Variants in CTNNA3 observed in about 807,000 individuals in gnomAD.
CTNNA3 encodes the protein catenin alpha 3.
A neutral mutation model predicts 95.7 loss-of-function variants in CTNNA3; 76 were observed. That is an observed-to-expected ratio of 0.79 (90% CI 0.66 to 0.96). The LOEUF is 0.96. Ranked by LOEUF, CTNNA3 falls within the 40% of genes least tolerant of loss-of-function variation. CTNNA3 has a pLI of 0.00. For missense variants in CTNNA3, 1,191 were observed against 1,089.8 expected, an observed-to-expected ratio of 1.09 and a Z score of -1.31; for synonymous variants, 431 against 374.4, an observed-to-expected ratio of 1.15 and a Z score of -1.74.
chr10:66,716,923 C>A (rs1417514064), intron 9 of CTNNA3, among the ~76,000 whole-genome samples: 1 of 152,050 alleles, frequency 6.6e-6, no homozygotes, highest in Non-Finnish European at 1.5e-5. Context: ...AGGTATTTTA[C>A]AGACGTGGTG....
At chr10:66,673,626 ATAAT>A (rs1398634212) in intron 9 of CTNNA3, among the ~76,000 whole-genome samples, 1 of 152,034 alleles carries the variant, frequency 6.6e-6, no homozygotes, top group Non-Finnish European at 1.5e-5. Flanking sequence ...CAATTTATGA[ATAAT>A]TAAATTCCTA....
intron 1 of CTNNA3, among the ~76,000 whole-genome samples, chr10:67,742,153 G>A (rs181846192): frequency 9.3e-5 from 14 of 151,026 alleles, no homozygotes; most frequent in East Asian, 5.8e-4. Context: ...TGCACCAAGC[G>A]GACCTAATAG....
intron 2 of CTNNA3, among the ~76,000 whole-genome samples, chr10:67,644,792 T>C (rs1272503829): frequency 6.8e-6 from 1 of 148,094 alleles, no homozygotes. Flanking sequence ...CACTTGAGTA[T>C]TGCTAAGACC....
At chr10:67,677,010 A>G (rs993497874) in intron 1 of CTNNA3, among the ~76,000 whole-genome samples, 2 of 148,900 alleles carry the variant, frequency 1.3e-5, no homozygotes, top group East Asian at 3.9e-4. Flanking sequence ...TCTTCCTAAC[A>G]ACAGATACAT....
chr10:67,186,480 A>C (rs1000207751), intron 6 of CTNNA3, among the ~76,000 whole-genome samples: 1 of 152,202 alleles, frequency 6.6e-6, no homozygotes, highest in Non-Finnish European at 1.5e-5. Context: ...TGACACCTAT[A>C]GGCAGGTCTC....
intron 12 of CTNNA3, among the ~76,000 whole-genome samples, chr10:66,303,787 G>A (rs1042690580): frequency 6.6e-6 from 1 of 151,996 alleles, no homozygotes; most frequent in Non-Finnish European, 1.5e-5. Flanking sequence ...TAGAGACAGG[G>A]TTTCACCGTG....
chr10:66,731,490 C>T (rs1437959549), intron 9 of CTNNA3, among the ~76,000 whole-genome samples: 1 of 152,046 alleles, frequency 6.6e-6, no homozygotes, highest in Non-Finnish European at 1.5e-5. Context: ...TTAAGCATAA[C>T]TCTGGCACGT....
chr10:67,396,960 C>G (rs1338650983), intron 5 of CTNNA3, among the ~76,000 whole-genome samples: 1 of 152,156 alleles, frequency 6.6e-6, no homozygotes, highest in Non-Finnish European at 1.5e-5. Flanking sequence ...GCCTCCCCAG[C>G]CATTCTGAAC....
intron 5 of CTNNA3, among the ~76,000 whole-genome samples, chr10:67,269,125 AAAAT>A (rs986615005): frequency 1.3e-5 from 2 of 152,178 alleles, no homozygotes; most frequent in Non-Finnish European, 2.9e-5. Context: ...GGAGTAGTAA[AAAAT>A]AAATAAAGTA....
At chr10:65,936,271 G>C (rs370307008) in intron 17 of CTNNA3, among the ~76,000 whole-genome samples, 1 of 152,014 alleles carries the variant, frequency 6.6e-6, no homozygotes, top group African/African-American at 2.4e-5. Context: ...ATGTAGTTAG[G>C]TGCAAAAGAG....
chr10:67,541,113 A>T (rs1351690189), intron 3 of CTNNA3, among the ~76,000 whole-genome samples: 1 of 152,006 alleles, frequency 6.6e-6, no homozygotes, highest in Non-Finnish European at 1.5e-5. Context: ...TACTATAAAG[A>T]ACGTCCAGGA....
chr10:67,509,116 T>C (rs1258943236), intron 5 of CTNNA3, among the ~76,000 whole-genome samples: 1 of 152,064 alleles, frequency 6.6e-6, no homozygotes, highest in East Asian at 1.9e-4. Flanking sequence ...CCTCAGGTGA[T>C]CTGCCTGCCT....
At chr10:67,518,757 C>T (rs1244085931) in intron 5 of CTNNA3, among the ~76,000 whole-genome samples, 1 of 152,030 alleles carries the variant, frequency 6.6e-6, no homozygotes. Flanking sequence ...GATTTATAAG[C>T]ACTCAAATTA....
intron 12 of CTNNA3, among the ~76,000 whole-genome samples, chr10:66,318,259 G>GATAT (rs1161232677): frequency 2.0e-4 from 7 of 35,470 alleles, no homozygotes; most frequent in Admixed American, 1.2e-3. Context: ...GAGTTGCTGG[G>GATAT]AGATATATAT....
intron 14 of CTNNA3, among the ~76,000 whole-genome samples, chr10:66,072,164 A>G (rs147190689): frequency 6.6e-6 from 1 of 152,196 alleles, no homozygotes; most frequent in African/African-American, 2.4e-5. Flanking sequence ...AATTTTACAT[A>G]ATTTTCACAT....
intron 15 of CTNNA3, among the ~76,000 whole-genome samples, chr10:65,994,812 G>A (rs2078619979): frequency 6.6e-6 from 1 of 151,920 alleles, no homozygotes; most frequent in African/African-American, 2.4e-5. Flanking sequence ...ACTTTATGGA[G>A]CCCCATTTGT....
chr10:66,726,803 G>T (rs1026214924), intron 9 of CTNNA3, among the ~76,000 whole-genome samples: 2 of 151,982 alleles, frequency 1.3e-5, no homozygotes, highest in Non-Finnish European at 2.9e-5. Context: ...TGGGAAGACA[G>T]ATTTGTTTCA....
intron 13 of CTNNA3, among the ~76,000 whole-genome samples, chr10:66,228,182 T>G (rs1177216315): frequency 4.6e-5 from 7 of 152,108 alleles, no homozygotes; most frequent in Admixed American, 6.6e-5. Flanking sequence ...ATTTTTGCTC[T>G]GAATTTTATT....
At chr10:66,651,499 G>A (rs10822865) in intron 9 of CTNNA3, among the ~76,000 whole-genome samples, 99,971 of 151,626 alleles carry the variant, frequency 0.66, 33,860 homozygotes, top group East Asian at 0.95. Context: ...GGGACTGGGC[G>A]CCGCAGAGAA....
Sources: gnomAD v4.1 joint callset for allele counts (sites outside exome capture counted in the v4.1 genomes callset) on GRCh38, gnomAD v4.1.1 for gene constraint, MANE v1.5 for transcripts, NCBI Gene and HGNC (gene_info 2026-07-23, HGNC 2026-07-21) for gene names.